The following RICTOR variants were observed in gnomAD, a reference collection of about 807,000 sequenced individuals.
RICTOR encodes the protein rapamycin-insensitive companion of mTOR.
RICTOR carries 49 observed loss-of-function variants against 214.9 expected under a neutral mutation model. That is an observed-to-expected ratio of 0.23 (90% CI 0.18 to 0.29). RICTOR has a LOEUF of 0.29. Among genes scored for constraint, RICTOR ranks in the 10% least tolerant of loss-of-function variants. The pLI is 1.00. For missense variants in RICTOR, 1,625 were observed against 2,047.0 expected (o/e 0.79, Z 3.98); for synonymous variants, 717 against 711.3 (o/e 1.01, Z -0.13).
chr5:39,064,411 T>C (rs1301189882), intron 2 of RICTOR, among the ~76,000 whole-genome samples: 2 of 152,186 alleles, frequency 1.3e-5, no homozygotes, highest in Non-Finnish European at 1.5e-5. Flanking sequence ...AAAGAAAATA[T>C]ACATCAATCT....
intron 2 of RICTOR, among the ~76,000 whole-genome samples, chr5:39,046,817 A>T (rs996946958): frequency 4.6e-5 from 7 of 152,204 alleles, no homozygotes; most frequent in Admixed American, 1.3e-4. Context: ...GGGAAAAAAA[A>T]TGTTTTAAAT....
At chr5:38,990,801 T>TATGAG (rs1554068192) in intron 7 of RICTOR, 148 bp downstream of exon 7, 1 of 80,902 alleles carries the variant, frequency 1.2e-5, no homozygotes, top group Non-Finnish European at 2.1e-5. Context: ...AGATATATGA[T>TATGAG]ATATATGAGA....
chr5:38,940,130 T>TAAAAA lies in RICTOR; in HGVS notation c.*2169_*2173dup, dbSNP rs1554057737. 9 of 86,404 alleles carry TAAAAA rather than the reference T, an allele frequency of 1.0e-4. No individual in the cohort carries two copies. Among genetic ancestry groups the TAAAAA allele is most frequent in the South Asian group, 5.0e-4 (1 of 1,998 alleles). 5.4% of individuals were successfully genotyped at this position (86,404 alleles called of 1,614,324 possible). A position where few individuals can be genotyped will look rare whatever the true frequency, so the allele number is the denominator to read the frequency against. On this transcript the variant is annotated 3_prime_UTR_variant, in exon 38 of 38. Coordinates refer to ENST00000357387, the MANE Select transcript of RICTOR (RefSeq NM_152756.5). ...ACATACATATTTTTCAAAGTAACAG[T>TAAAAA]AAAAAAAAAAAACAAAAAAAAAAAC...
chr5:39,006,389 A>T (rs939246788), intron 3 of RICTOR, among the ~76,000 whole-genome samples: 1 of 152,168 alleles, frequency 6.6e-6, no homozygotes, highest in Non-Finnish European at 1.5e-5. Context: ...TAAAAGTTAC[A>T]TATAATGTCC....
At chr5:39,058,090 G>A (rs1048326367) in intron 2 of RICTOR, among the ~76,000 whole-genome samples, 13 of 151,774 alleles carry the variant, frequency 8.6e-5, no homozygotes, top group African/African-American at 1.7e-4. Context: ...CAAAATACCC[G>A]GTTTAAATTT....
chr5:38,964,992 A>G, intron 15 of RICTOR, 100 bp from the exon 16 acceptor site: 1 of 591,690 alleles, frequency 1.7e-6, no homozygotes, highest in Non-Finnish European at 2.9e-6. Flanking sequence ...GACTATTACA[A>G]ATTCTGAGGT....
chr5:39,024,275 T>C (rs867259153), intron 2 of RICTOR, among the ~76,000 whole-genome samples: 1 of 152,204 alleles, frequency 6.6e-6, no homozygotes, highest in Non-Finnish European at 1.5e-5. Flanking sequence ...GCTCAGGGGC[T>C]AGAGACTTCT....
chr5:38,942,705 G>A lies in RICTOR; in HGVS notation c.5052+128C>T, dbSNP rs116674567. The A allele has an allele frequency of 4.0e-3, 2,858 of 721,424 alleles. 63 individuals carry two copies. The African/African-American group carries it at 0.045, about 11-fold the overall frequency. 44.7% of individuals were successfully genotyped at this position (721,424 alleles called of 1,614,324 possible). On this transcript the variant is annotated intron_variant, in intron 37 of 37. Coordinates refer to ENST00000357387, the MANE Select transcript of RICTOR (RefSeq NM_152756.5). ...TCCTGGGCTCAAGCAATTCTCCCGC[G>A]CTGACCCCACAAAGTGCTGGGATTG...
At position 38,940,437 on chromosome 5, in the gene RICTOR, T is replaced by C. The variant is rs192674677; in HGVS notation, c.*1867A>G. On this transcript the variant is annotated 3_prime_UTR_variant, in exon 38 of 38. Transcript: ENST00000357387. The stretch of plus-strand genomic sequence containing the variant: ...CTATTTGGTCTAGTAACTCTGACAT[T>C]TGGTTCTCTGGAAAGGCAGTTTAGT... The C allele has an allele frequency of 4.3e-6, 1 of 232,716 alleles. No homozygotes were observed. Among genetic ancestry groups the C allele is most frequent in the Non-Finnish European group, 8.5e-6 (1 of 117,460 alleles). 14.4% of individuals were successfully genotyped at this position (232,716 alleles called of 1,614,324 possible).
intron 7 of RICTOR, among the ~76,000 whole-genome samples, chr5:38,982,931 T>C (rs1052788497): frequency 5.9e-5 from 9 of 152,114 alleles, no homozygotes; most frequent in African/African-American, 2.2e-4. Flanking sequence ...CTGTTTATTC[T>C]TCCAGAAAAT....
At chr5:38,969,335 T>C (rs999324412) in intron 11 of RICTOR, among the ~76,000 whole-genome samples, 2 of 151,974 alleles carry the variant, frequency 1.3e-5, no homozygotes, top group African/African-American at 2.4e-5. Context: ...AAAAATCTTA[T>C]AGAATAAGGA....
At chr5:38,999,141 G>T (rs1321715190) in intron 5 of RICTOR, among the ~76,000 whole-genome samples, 1 of 151,208 alleles carries the variant, frequency 6.6e-6, no homozygotes, top group South Asian at 2.1e-4. Context: ...TAATAAACAG[G>T]TAAGTAGAAA....
intron 2 of RICTOR, among the ~76,000 whole-genome samples, chr5:39,054,757 T>C (rs955351275): frequency 6.6e-6 from 1 of 152,240 alleles, no homozygotes; most frequent in Non-Finnish European, 1.5e-5. Flanking sequence ...ATACTCTATG[T>C]TATATACTCA....
intron 2 of RICTOR, among the ~76,000 whole-genome samples, chr5:39,033,303 TG>T (rs1488309044): frequency 6.6e-6 from 1 of 151,834 alleles, no homozygotes; most frequent in Non-Finnish European, 1.5e-5. Flanking sequence ...TTGCCCAGGC[TG>T]GAGCGCTGGA....
chr5:39,040,665 C>T (rs936251500), intron 2 of RICTOR, among the ~76,000 whole-genome samples: 4 of 151,738 alleles, frequency 2.6e-5, no homozygotes, highest in Admixed American at 6.6e-5. Context: ...AGGTTGTCCC[C>T]TAGATTGTAT....
chr5:39,033,314 A>C (rs1270577834), intron 2 of RICTOR, among the ~76,000 whole-genome samples: 4 of 150,948 alleles, frequency 2.6e-5, no homozygotes, highest in Non-Finnish European at 4.4e-5. Context: ...GGAGCGCTGG[A>C]GTGCAATGGT....
At chr5:38,953,315 A>G in intron 28 of RICTOR, 146 bp downstream of exon 28, 1 of 562,482 alleles carries the variant, frequency 1.8e-6, no homozygotes, top group Non-Finnish European at 3.2e-6. Context: ...TAGAGATAAT[A>G]CACTTATATT....
chr5:38,960,368 T>C, intron 20 of RICTOR, 30 bp downstream of exon 20: 1 of 1,601,782 alleles, frequency 6.2e-7, no homozygotes, highest in Non-Finnish European at 8.5e-7. Flanking sequence ...ATAAAAAACA[T>C]TTGCTCTGGA....
At chr5:39,046,879 C>T (rs1456727202) in intron 2 of RICTOR, among the ~76,000 whole-genome samples, 1 of 152,044 alleles carries the variant, frequency 6.6e-6, no homozygotes, top group African/African-American at 2.4e-5. Flanking sequence ...TATCCTTTTC[C>T]TCAGGTTTCT....
Sources: gnomAD v4.1 joint callset for allele counts (sites outside exome capture counted in the v4.1 genomes callset) on GRCh38, gnomAD v4.1.1 for gene constraint, MANE v1.5 for transcripts, NCBI Gene and HGNC (gene_info 2026-07-23, HGNC 2026-07-21) for gene names.